The following FGF9 variants were observed in gnomAD, a reference collection of about 807,000 sequenced individuals.
FGF9 encodes the protein fibroblast growth factor 9.
In FGF9, 3 loss-of-function variants were observed where a neutral mutation model predicts 19.9. The observed-to-expected ratio is 0.15, with a 90% CI of 0.07 to 0.39. The LOEUF (loss-of-function observed/expected upper bound fraction) is 0.39. FGF9 is among the 10% of genes least tolerant of loss of function. The probability of loss-of-function intolerance (pLI) is 1.00; values close to 1 mark genes in which losing one functional copy is unlikely to be tolerated. For synonymous variants in FGF9, 107 were observed against 106.9 expected, an observed-to-expected ratio of 1.00 and a Z score of -0.01; for missense variants, 175 against 256.8, an observed-to-expected ratio of 0.68 and a Z score of 2.18.
intron 2 of FGF9, among the ~76,000 whole-genome samples, chr13:21,684,646 ACT>A (rs1872117533): frequency 6.6e-6 from 1 of 152,020 alleles, no homozygotes; most frequent in African/African-American, 2.4e-5. Context: ...GGCATGGTTA[ACT>A]CTCATTCTGT....
At chr13:21,676,426 A>G (rs950051362) in intron 1 of FGF9, among the ~76,000 whole-genome samples, 15 of 152,218 alleles carry the variant, frequency 9.9e-5, no homozygotes, top group African/African-American at 3.6e-4. Context: ...TGACTCTTCA[A>G]TGTCTCAGGA....
At chr13:21,677,718 GT>G (rs1335724673) in intron 1 of FGF9, among the ~76,000 whole-genome samples, 2 of 152,164 alleles carry the variant, frequency 1.3e-5, no homozygotes, top group Non-Finnish European at 2.9e-5. Context: ...TGGTCTGCTT[GT>G]CCTTGCATCA....
At chr13:21,684,745 A>C (rs141384117) in intron 2 of FGF9, among the ~76,000 whole-genome samples, 110 of 152,334 alleles carry the variant, frequency 7.2e-4, no homozygotes, top group African/African-American at 2.6e-3. Flanking sequence ...GTTTCTTCCC[A>C]GTCTGGATGG....
intron 2 of FGF9, among the ~76,000 whole-genome samples, chr13:21,689,885 C>T (rs116803816): frequency 0.01 from 1,523 of 152,290 alleles, 26 homozygotes; most frequent in African/African-American, 0.035. Context: ...CCAAGCCCAG[C>T]GTCTCCAAGC....
intron 1 of FGF9, among the ~76,000 whole-genome samples, chr13:21,673,212 T>C (rs1456379862): frequency 6.6e-6 from 1 of 152,120 alleles, no homozygotes; most frequent in African/African-American, 2.4e-5. Flanking sequence ...AGTTAACTTC[T>C]GAGTGAACCC....
chr13:21,698,943 G>T (rs17840915), intron 2 of FGF9, among the ~76,000 whole-genome samples: 5 of 152,140 alleles, frequency 3.3e-5, no homozygotes, highest in African/African-American at 4.8e-5. Flanking sequence ...ACAGCAAACC[G>T]AAACCAGCTA....
intron 1 of FGF9, among the ~76,000 whole-genome samples, chr13:21,676,249 G>C (rs1222045234): frequency 6.6e-6 from 1 of 152,160 alleles, no homozygotes; most frequent in African/African-American, 2.4e-5. Context: ...GCTCTGAAAG[G>C]CCGGTCTTCA....
intron 2 of FGF9, 133 bp downstream of exon 2, chr13:21,681,278 AG>A (rs1872037553): frequency 5.8e-6 from 4 of 692,168 alleles, no homozygotes; most frequent in African/African-American, 1.8e-5. Flanking sequence ...TTACTTTTTG[AG>A]GAAAGCCATT....
At chr13:21,686,060 T>C (rs17070325) in intron 2 of FGF9, among the ~76,000 whole-genome samples, 4,051 of 152,328 alleles carry the variant, frequency 0.027, 86 homozygotes, top group South Asian at 0.055. Context: ...ATAAAAATAC[T>C]TAAAGAAGTT....
Position 21,672,287 on chromosome 13 carries a change from C to A in FGF9, c.277+98C>A, listed in dbSNP as rs189606529. ...CCGGGTGGGGGACGTGGGAAGGGTT[C>A]TCCCCTCCTCCCCTCTTTCTCTGTA... On this transcript the variant is annotated intron_variant, in intron 1 of 2. Transcript: ENST00000382353. This position sits in a 1 kb window ranked among gnomAD's most constrained non-coding sequence, Gnocchi z 4.2. 2.5e-6 allele frequency: 3 copies of A among 1,217,754 alleles called. No individual in the cohort carries two copies. Among genetic ancestry groups the A allele is most frequent in the Middle Eastern group, 4.6e-4 (2 of 4,356 alleles). The allele number at this position is 1,217,754 out of a possible 1,614,324, so 75.4% of individuals were successfully genotyped here. A position where few individuals can be genotyped will look rare whatever the true frequency, so the allele number is the denominator to read the frequency against.
chr13:21,693,494 C>T (rs1213024540), intron 2 of FGF9, among the ~76,000 whole-genome samples: 4 of 152,098 alleles, frequency 2.6e-5, no homozygotes, highest in Non-Finnish European at 4.4e-5. Context: ...CTTCAGGGTG[C>T]GTTTTCTCTG....
Position 21,682,799 on chromosome 13 carries a change from C to T in FGF9, c.381+1654C>T, listed in dbSNP as rs1872072790. ...TGTGTGTGTAGAAGAGAAGTTCTGA[C>T]TTTTAGTGTGTAGATGGAACTTTAT... On this transcript the variant is annotated intron_variant, in intron 2 of 2. Transcript: ENST00000382353. 4.0e-5 allele frequency among the ~76,000 whole-genome samples: 6 copies of T among 149,920 alleles called. No individual in the cohort carries two copies. In the South Asian group the frequency reaches 1.3e-3, roughly 32 times the overall value.
At chr13:21,689,321 C>T (rs1005505773) in intron 2 of FGF9, among the ~76,000 whole-genome samples, 6 of 152,156 alleles carry the variant, frequency 3.9e-5, no homozygotes, top group South Asian at 2.1e-4. Context: ...CAGAGCTCTG[C>T]GAAGGCAGGG....
rs1433617943 is a variant in FGF9, at chr13:21,702,894, G to A, written c.*1459G>A. 6.6e-6 allele frequency: 1 copy of A among 152,108 alleles called. No individual in the cohort carries two copies. Among genetic ancestry groups the A allele is most frequent in the Admixed American group, 6.5e-5 (1 of 15,282 alleles). The allele number at this position is 152,108 out of a possible 1,614,324, so 9.4% of individuals were successfully genotyped here. A position where few individuals can be genotyped will look rare whatever the true frequency, so the allele number is the denominator to read the frequency against. On this transcript the variant is annotated 3_prime_UTR_variant, in exon 3 of 3. Coordinates refer to ENST00000382353, the MANE Select transcript of FGF9 (RefSeq NM_002010.3). Reference sequence around the variant, plus strand: ...TTGACTGTGTTTTGTTTTTTAAAATGGTCTCCACAAGCGCTCAATTTTTTT... The same window carrying A: ...TTGACTGTGTTTTGTTTTTTAAAATAGTCTCCACAAGCGCTCAATTTTTTT...
intron 2 of FGF9, among the ~76,000 whole-genome samples, chr13:21,686,457 A>G (rs1872160329): frequency 6.6e-6 from 1 of 152,258 alleles, no homozygotes; most frequent in Non-Finnish European, 1.5e-5. Flanking sequence ...TTTTCTTTAA[A>G]AAACGTAGCT....
At chr13:21,693,769 A>G (rs1256041389) in intron 2 of FGF9, among the ~76,000 whole-genome samples, 1 of 152,122 alleles carries the variant, frequency 6.6e-6, no homozygotes, top group Admixed American at 6.5e-5. Context: ...CTCCCGGGGA[A>G]GAGAAGGAGA....
chr13:21,675,401 C>T lies in FGF9; in HGVS notation c.277+3212C>T, dbSNP rs527367664. Reference sequence around the variant, plus strand: ...CGGTGGTGCGTGTGCCGGGAGCCTCCTACCCTCGCCTTCCCAGCCCCGCCC... The same window carrying T: ...CGGTGGTGCGTGTGCCGGGAGCCTCTTACCCTCGCCTTCCCAGCCCCGCCC... On this transcript the variant is annotated intron_variant, in intron 1 of 2. Coordinates refer to ENST00000382353, the MANE Select transcript of FGF9 (RefSeq NM_002010.3). Among the ~76,000 whole-genome samples, 21 of 152,210 alleles carry T rather than the reference C, an allele frequency of 1.4e-4. No homozygotes were observed. The East Asian group carries it at 3.9e-3, about 28-fold the overall frequency.
At position 21,671,593 on chromosome 13, in the gene FGF9, G is replaced by T; in HGVS notation, c.-320G>T. On this transcript the variant is annotated 5_prime_UTR_variant, in exon 1 of 3. Coordinates refer to ENST00000382353, the MANE Select transcript of FGF9 (RefSeq NM_002010.3). ...GGATTTTTTTTCCTTATTACGGTCGGATGGGATGAAGACCTTCCTGCCTGC... is the reference window on the plus strand; with the variant it reads ...GGATTTTTTTTCCTTATTACGGTCGTATGGGATGAAGACCTTCCTGCCTGC... 2.0e-6 allele frequency: 1 copy of T among 503,154 alleles called. No homozygotes were observed. Among genetic ancestry groups the T allele is most frequent in the Non-Finnish European group, 3.5e-6 (1 of 287,238 alleles). The allele number at this position is 503,154 out of a possible 1,614,324, so 31.2% of individuals were successfully genotyped here. A position where few individuals can be genotyped will look rare whatever the true frequency, so the allele number is the denominator to read the frequency against.
At position 21,674,346 on chromosome 13, in the gene FGF9, G is replaced by C. The variant is rs1871848753; in HGVS notation, c.277+2157G>C. The stretch of plus-strand genomic sequence containing the variant: ...CCCCTGGCCGGAGCCGCAGGGAAAG[G>C]AGTGGGGGTGGGGGGGACAAAGGGC... On this transcript the variant is annotated intron_variant, in intron 1 of 2. Transcript: ENST00000382353. The C allele has an allele frequency of 2.0e-5, 3 of 151,640 alleles. No individual in the cohort carries two copies. In the South Asian group the frequency reaches 6.2e-4, roughly 32 times the overall value. The allele number at this position is 151,640 out of a possible 1,614,324, so 9.4% of individuals were successfully genotyped here. A position where few individuals can be genotyped will look rare whatever the true frequency, so the allele number is the denominator to read the frequency against.
Sources: allele counts gnomAD v4.1 joint callset (sites outside exome capture counted in the v4.1 genomes callset), GRCh38; gene constraint gnomAD v4.1.1; non-coding constraint Gnocchi (gnomAD v3.1); transcripts MANE v1.5; gene names NCBI Gene and HGNC (gene_info 2026-07-23, HGNC 2026-07-21).